USP5: variants seen among roughly 807,000 people sequenced by gnomAD.
The protein encoded by USP5 is ubiquitin specific peptidase 5.
Under a neutral mutation model 102.5 loss-of-function variants are expected in USP5, and 24 were observed. The ratio of observed to expected loss-of-function variants is 0.23; its 90% CI spans 0.17 to 0.33. The LOEUF (loss-of-function observed/expected upper bound fraction) is 0.33, where lower values mean the gene tolerates loss of function less well. Among genes scored for constraint, USP5 ranks in the 10% least tolerant of loss-of-function variants. The probability of loss-of-function intolerance (pLI) is 1.00; values close to 1 mark genes in which losing one functional copy is unlikely to be tolerated. For missense variants in USP5, 753 were observed against 1,122.1 expected (o/e 0.67, Z 4.70); for synonymous variants, 460 against 434.8 (o/e 1.06, Z -0.72).
chr12:6,860,679 A>C lies in USP5; in HGVS notation c.1344+188A>C, dbSNP rs782015664. Among the ~76,000 whole-genome samples, 3 of 152,346 alleles carry C rather than the reference A, an allele frequency of 2.0e-5. No homozygotes were observed. Among genetic ancestry groups the C allele is most frequent in the African/African-American group, 7.2e-5 (3 of 41,574 alleles). Reference sequence around the variant, plus strand: ...ATGATCCCTACCCTTGATGGGCTTGAAGCCCAATTCAGATTATGCCCAAAG... The same window carrying C: ...ATGATCCCTACCCTTGATGGGCTTGCAGCCCAATTCAGATTATGCCCAAAG... On this transcript the variant is annotated intron_variant, in intron 11 of 19. Coordinates refer to ENST00000229268, the MANE Select transcript of USP5 (RefSeq NM_001098536.2). The surrounding 1 kb of genome is among the most constrained non-coding windows in gnomAD (Gnocchi z 5.5).
Position 6,863,331 on chromosome 12 carries a change from C to T in USP5, c.1908C>T (p.Asn636=), listed in dbSNP as rs373638224. Residue 636 remains asparagine, a synonymous_variant, in exon 15 of 20, where the codon AAC becomes AAT. Coordinates refer to ENST00000229268, the MANE Select transcript of USP5 (RefSeq NM_001098536.2). The surrounding 1 kb of genome is among the most constrained non-coding windows in gnomAD (Gnocchi z 4.7). The stretch of plus-strand genomic sequence containing the variant: ...AAGGTAGCCTTGGTTTCTATGGCAA[C>T]GAAGACGAAGACTCCTTCTGCTCCC... The part of the protein sequence containing the change: ...EPKGSLGFYG[N]EDEDSFCSPH... 22 of 1,614,030 alleles carry T rather than the reference C, an allele frequency of 1.4e-5. No homozygotes were observed. The highest frequency in any genetic ancestry group is 1.7e-5 in the Non-Finnish European group (20 of 1,180,024).
chr12:6,865,155 C>A lies in USP5; in HGVS notation c.2399-9C>A. ...GTTTCCTTCTCTGACCCCCTCTCTC[C>A]TTTCCTAGAGTATCAGCTCTTTGCC... On this transcript the variant is annotated splice_polypyrimidine_tract_variant and intron_variant, in intron 18 of 19. Coordinates refer to ENST00000229268, the MANE Select transcript of USP5 (RefSeq NM_001098536.2). The A allele has an allele frequency of 6.2e-7, 1 of 1,610,352 alleles. No individual in the cohort carries two copies. Among genetic ancestry groups the A allele is most frequent in the Non-Finnish European group, 8.5e-7 (1 of 1,176,690 alleles).
At position 6,863,320 on chromosome 12, in the gene USP5, T is replaced by C; in HGVS notation, c.1897T>C (p.Phe633Leu). The C allele has an allele frequency of 6.2e-7, 1 of 1,614,110 alleles. No individual in the cohort carries two copies. The highest frequency in any genetic ancestry group is 8.5e-7 in the Non-Finnish European group (1 of 1,180,008). ...TPDEPKGSLG[F>L]YGNEDEDSFC... ...GGATGAGCCCAAAGGTAGCCTTGGT[T>C]TCTATGGCAACGAAGACGAAGACTC... The change falls in exon 15 of 20, where the codon TTC becomes CTC. Residue 633 changes from phenylalanine (F) to leucine (L), a missense_variant. Transcript: ENST00000229268. The surrounding 1 kb of genome is among the most constrained non-coding windows in gnomAD (Gnocchi z 4.7).
chr12:6,856,715 A>G lies in USP5; in HGVS notation c.593A>G (p.Lys198Arg), dbSNP rs1555128408. The change falls in exon 6 of 20, where the codon AAG becomes AGG. Residue 198 changes from lysine to arginine, a missense_variant. This residue lies in a region of USP5 where 527 missense variants were observed against 816.5 expected (regional missense o/e 0.65). Transcript: ENST00000229268. The surrounding 1 kb of genome is among the most constrained non-coding windows in gnomAD (Gnocchi z 5.6). ...TCTTCTCTGTGGGTTAGTGGCTGGA[A>G]GTGCTCCAAGTGTGACATGAGAGAG... Reference protein sequence around the residue: ...NPARIPPCGWKCSKCDMRENL... With the variant: ...NPARIPPCGWRCSKCDMRENL... 6.2e-7 allele frequency: 1 copy of G among 1,614,018 alleles called. No homozygotes were observed. The highest frequency in any genetic ancestry group is 8.5e-7 in the Non-Finnish European group (1 of 1,179,988).
At chr12:6,862,004 A>G (rs1467043150) in intron 13 of USP5, among the ~76,000 whole-genome samples, 1 of 151,794 alleles carries the variant, frequency 6.6e-6, no homozygotes, top group Non-Finnish European at 1.5e-5. Context: ...GACCTGAAAA[A>G]GGGCTTTGGT....
Position 6,856,555 on chromosome 12 carries a change from A to G in USP5, c.584+105A>G, listed in dbSNP as rs1331762489. 5 of 1,545,596 alleles carry G rather than the reference A, an allele frequency of 3.2e-6. No individual in the cohort carries two copies. Among genetic ancestry groups the G allele is most frequent in the Non-Finnish European group, 4.4e-6 (5 of 1,148,290 alleles). ...AGAGAGGGTAGGGAGCAGGACAGGA[A>G]GGGAAGCTTGGAAATGAACACGACA... On this transcript the variant is annotated intron_variant, in intron 5 of 19. Transcript: ENST00000229268. The surrounding 1 kb of genome is among the most constrained non-coding windows in gnomAD (Gnocchi z 5.6).
chr12:6,864,754 C>G lies in USP5; in HGVS notation c.2277C>G (p.Ile759Met). The change falls in exon 18 of 20, where the codon ATC becomes ATG. Residue 759 changes from isoleucine (I) to methionine (M), a missense_variant. By Grantham distance (10) the Ile-to-Met change is conservative. Transcript: ENST00000229268. This position sits in a 1 kb window ranked among gnomAD's most constrained non-coding sequence, Gnocchi z 4.8. ...NNSLERAVDW[I>M]FSHIDDLDAE... Reference sequence around the variant, plus strand: ...GTTTAGAACGGGCTGTGGACTGGATCTTCAGTCACATTGACGACCTGGATG... The same window carrying G: ...GTTTAGAACGGGCTGTGGACTGGATGTTCAGTCACATTGACGACCTGGATG... 1 of 1,612,774 alleles carries G rather than the reference C, an allele frequency of 6.2e-7. No homozygotes were observed. The highest frequency in any genetic ancestry group is 1.1e-5 in the South Asian group (1 of 91,088).
rs868917826 is a variant in USP5 at position 6,862,390 on chromosome 12, G to A, written c.1674-80G>A. 1.4e-5 allele frequency: 18 copies of A among 1,260,428 alleles called. No homozygotes were observed. In the Middle Eastern group the frequency reaches 2.1e-3, roughly 148 times the overall value. The allele number at this position is 1,260,428 out of a possible 1,614,324, so 78.1% of individuals were successfully genotyped here. ...GGTTATTGGGACTTCTACCCATGAGGGGCTGAACCCCAGGTGGGAGTTTCA... is the reference window on the plus strand; with the variant it reads ...GGTTATTGGGACTTCTACCCATGAGAGGCTGAACCCCAGGTGGGAGTTTCA... On this transcript the variant is annotated intron_variant, in intron 13 of 19. Coordinates refer to ENST00000229268, the MANE Select transcript of USP5 (RefSeq NM_001098536.2).
In USP5 at chr12:6,859,530, C is replaced by T. The variant is rs900376446; in HGVS notation, c.1119C>T (p.Phe373=). ...CCCCGACGGACCCTACCCAGGATTT[C>T]AGCACCCAGGTGTATGTAACCAGGT... The part of the protein sequence containing the change: ...QNAPTDPTQD[F]STQVAKLGHG... Residue 373 remains phenylalanine, a synonymous_variant, in exon 9 of 20, where the codon TTC becomes TTT. Coordinates refer to ENST00000229268, the MANE Select transcript of USP5 (RefSeq NM_001098536.2). 4.3e-6 allele frequency: 7 copies of T among 1,614,100 alleles called. No homozygotes were observed. Among genetic ancestry groups the T allele is most frequent in the Non-Finnish European group, 5.9e-6 (7 of 1,180,040 alleles).
chr12:6,855,436 G>A lies in USP5; in HGVS notation c.147G>A (p.Thr49=), dbSNP rs782659504. The change falls in exon 2 of 20, where the codon ACG becomes ACA. Residue 49 remains threonine (T), a synonymous_variant. Transcript: ENST00000229268. This position sits in a 1 kb window ranked among gnomAD's most constrained non-coding sequence, Gnocchi z 4.6. ...GGGGCCTCTACATCTGTATGAACAC[G>A]TTTCTGGGCTTTGGGAAACAGTATG... ...SEGGLYICMN[T]FLGFGKQYVE... is the part of the protein sequence containing the mutation. 8.7e-6 allele frequency: 14 copies of A among 1,614,032 alleles called. No homozygotes were observed. The highest frequency in any genetic ancestry group is 5.0e-5 in the Admixed American group (3 of 60,004).
At chr12:6,857,284 C>A in intron 6 of USP5, 1 of 316,842 alleles carries the variant, frequency 3.2e-6, no homozygotes, top group Non-Finnish European at 5.9e-6. Context: ...CTACAGAGAC[C>A]CTGTCTCAAA....
At position 6,866,599 on chromosome 12, in the gene USP5, A is replaced by C. The variant is rs141719928; in HGVS notation, c.*522A>C. On this transcript the variant is annotated 3_prime_UTR_variant, in exon 20 of 20. Coordinates refer to ENST00000229268, the MANE Select transcript of USP5 (RefSeq NM_001098536.2). The surrounding 1 kb of genome is among the most constrained non-coding windows in gnomAD (Gnocchi z 4.7). ...CTTGTCCTTCTCTGGAAAATGCCAAAATACACGATGTGAATAAAAGTACAA... is the reference window on the plus strand; with the variant it reads ...CTTGTCCTTCTCTGGAAAATGCCAACATACACGATGTGAATAAAAGTACAA... 158 of 156,428 alleles carry C rather than the reference A, an allele frequency of 1.0e-3. 1 individual carries two copies. The highest frequency in any genetic ancestry group is 3.3e-3 in the Middle Eastern group (1 of 300). 9.7% of individuals were successfully genotyped at this position (156,428 alleles called of 1,614,324 possible). A position where few individuals can be genotyped will look rare whatever the true frequency, so the allele number is the denominator to read the frequency against.
rs12824102 is a variant in USP5, at chr12:6,863,924, C to T, written c.2049C>T (p.Ser683=). 0.034 allele frequency: 53,556 copies of T among 1,592,756 alleles called. 1,005 individuals are homozygous for T. Among genetic ancestry groups the T allele is most frequent in the Non-Finnish European group, 0.041 (47,788 of 1,167,422 alleles). The change falls in exon 16 of 20, where the codon AGC becomes AGT. Residue 683 remains serine, a synonymous_variant. Coordinates refer to ENST00000229268, the MANE Select transcript of USP5 (RefSeq NM_001098536.2). This position sits in a 1 kb window ranked among gnomAD's most constrained non-coding sequence, Gnocchi z 4.7. The part of the protein sequence containing the change: ...CRKAVYYTGN[S]GAEAAMNWVM... Reference sequence around the variant, plus strand: ...AAGCTGTCTACTACACGGGCAACAGCGGGGCTGAGGCCGCCATGAACTGGG... The same window carrying T: ...AAGCTGTCTACTACACGGGCAACAGTGGGGCTGAGGCCGCCATGAACTGGG...
chr12:6,855,578 C>A lies in USP5; in HGVS notation c.237+52C>A. 3.7e-6 allele frequency: 6 copies of A among 1,603,554 alleles called. No individual in the cohort carries two copies. Among genetic ancestry groups the A allele is most frequent in the Non-Finnish European group, 5.1e-6 (6 of 1,175,846 alleles). On this transcript the variant is annotated intron_variant, in intron 2 of 19. Coordinates refer to ENST00000229268, the MANE Select transcript of USP5 (RefSeq NM_001098536.2). The surrounding 1 kb of genome is among the most constrained non-coding windows in gnomAD (Gnocchi z 4.6). ...GGGTACATTGTCTGTTCCATTCTGA[C>A]CTCCTATTGGACTCAGTTTCTTTTT... is the stretch of plus-strand genomic sequence containing the variant.
At position 6,860,142 on chromosome 12, in the gene USP5, T is replaced by A. The variant is rs782751428; in HGVS notation, c.1131-9T>A. 1.9e-6 allele frequency: 3 copies of A among 1,607,932 alleles called. No individual in the cohort carries two copies. The African/African-American group carries it at 4.0e-5, about 22-fold the overall frequency. ...CTGAAGTGAAATGTTTTCTTGGATA[T>A]TAATGCAGGGCCAAGCTGGGCCATG... On this transcript the variant is annotated splice_polypyrimidine_tract_variant and intron_variant, in intron 9 of 19. Transcript: ENST00000229268. The surrounding 1 kb of genome is among the most constrained non-coding windows in gnomAD (Gnocchi z 5.5).
In USP5 at chr12:6,863,751, G is replaced by A. The variant is rs782469412; in HGVS notation, c.1955-79G>A. On this transcript the variant is annotated intron_variant, in intron 15 of 19. Transcript: ENST00000229268. This position sits in a 1 kb window ranked among gnomAD's most constrained non-coding sequence, Gnocchi z 4.7. ...ATGCATGGAATGGGTGATTGGAAGAGGGCTGGGTCCTGGGGGAGGGAGGAG... is the reference window on the plus strand; with the variant it reads ...ATGCATGGAATGGGTGATTGGAAGAAGGCTGGGTCCTGGGGGAGGGAGGAG... The A allele has an allele frequency of 1.3e-6, 2 of 1,497,162 alleles. No individual in the cohort carries two copies. Among genetic ancestry groups the A allele is most frequent in the Non-Finnish European group, 8.9e-7 (1 of 1,122,536 alleles). The allele number at this position is 1,497,162 out of a possible 1,614,324, so 92.7% of individuals were successfully genotyped here. A position where few individuals can be genotyped will look rare whatever the true frequency, so the allele number is the denominator to read the frequency against.
chr12:6,858,290 C>A lies in USP5; in HGVS notation c.865-134C>A. The A allele has an allele frequency of 3.4e-6, 3 of 875,326 alleles. No homozygotes were observed. Among genetic ancestry groups the A allele is most frequent in the Non-Finnish European group, 5.2e-6 (3 of 581,646 alleles). The allele number at this position is 875,326 out of a possible 1,614,324, so 54.2% of individuals were successfully genotyped here. ...CTTGAACTGGACGATACTCAACATA[C>A]CTCCCATGTTTGAGCCTGTAATTCC... On this transcript the variant is annotated intron_variant, in intron 7 of 19. Coordinates refer to ENST00000229268, the MANE Select transcript of USP5 (RefSeq NM_001098536.2). The surrounding 1 kb of genome is among the most constrained non-coding windows in gnomAD (Gnocchi z 4.2).
rs1944365446 is a variant in USP5, at chr12:6,864,358, C to T, written c.2244+163C>T. 6.6e-6 allele frequency among the ~76,000 whole-genome samples: 1 copy of T among 152,218 alleles called. No homozygotes were observed. The highest frequency in any genetic ancestry group is 1.5e-5 in the Non-Finnish European group (1 of 68,042). ...ATGAAGGAGCTGAAGCCTGCGTTCA[C>T]TGCTGGGTTTTTTGCCCCAGAACTT... On this transcript the variant is annotated intron_variant, in intron 17 of 19. Transcript: ENST00000229268. This position sits in a 1 kb window ranked among gnomAD's most constrained non-coding sequence, Gnocchi z 4.8.
intron 1 of USP5, among the ~76,000 whole-genome samples, chr12:6,852,708 C>T (rs1467931583): frequency 6.6e-6 from 1 of 152,096 alleles, no homozygotes; most frequent in Non-Finnish European, 1.5e-5. Flanking sequence ...TGTTCTCGGC[C>T]GGGGTTGGAG....
Sources: gnomAD v4.1 joint callset for allele counts (sites outside exome capture counted in the v4.1 genomes callset) on GRCh38, gnomAD v4.1.1 for gene constraint, gnomAD v4.1.1 regional missense constraint, Gnocchi (gnomAD v3.1) non-coding constraint, MANE v1.5 for transcripts, NCBI Gene and HGNC (gene_info 2026-07-23, HGNC 2026-07-21) for gene names.